The following NEXMIF variants were observed in gnomAD, a reference collection of about 807,000 sequenced individuals.
The protein encoded by NEXMIF is neurite extension and migration factor.
In NEXMIF, 8 loss-of-function variants were observed where a neutral mutation model predicts 62.1. The ratio of observed to expected loss-of-function variants is 0.13; its 90% CI spans 0.08 to 0.23. The LOEUF is 0.23. Among genes scored for constraint, NEXMIF ranks in the 10% least tolerant of loss-of-function variants. The pLI is 1.00. For synonymous variants in NEXMIF, 404 were observed against 416.6 expected (o/e 0.97, Z 0.37); for missense variants, 976 against 1,113.3 (o/e 0.88, Z 1.75).
At chrX:74,879,007 T>C (rs142272725) in intron 1 of NEXMIF, among the ~76,000 whole-genome samples, 337 of 112,247 alleles carry the variant, frequency 3.0e-3, no homozygotes, top group African/African-American at 9.9e-3. Context: ...CCATCTTGGC[T>C]CCTCCCTCGC....
At chrX:74,827,156 C>T (rs2080421133) in intron 1 of NEXMIF, among the ~76,000 whole-genome samples, 1 of 112,531 alleles carries the variant, frequency 8.9e-6, no homozygotes. Flanking sequence ...CTAAATGACC[C>T]CCAAGCCTGT....
chrX:74,824,804 A>G (rs1368333399), intron 1 of NEXMIF, among the ~76,000 whole-genome samples: 1 of 109,841 alleles, frequency 9.1e-6, no homozygotes, highest in Non-Finnish European at 1.9e-5. Context: ...ACCCGCCACC[A>G]CGCCCAGCTA....
intron 1 of NEXMIF, among the ~76,000 whole-genome samples, chrX:74,821,525 C>T (rs758762704): frequency 9.0e-6 from 1 of 111,472 alleles, no homozygotes; most frequent in South Asian, 3.8e-4. Flanking sequence ...TCCATTACTC[C>T]TATAGATGAA....
At chrX:74,878,731 G>A (rs1467407787) in intron 1 of NEXMIF, among the ~76,000 whole-genome samples, 5 of 112,456 alleles carry the variant, frequency 4.4e-5, no homozygotes, top group South Asian at 3.7e-4. Context: ...CGCAGTATTC[G>A]GGTGGGAGTG....
chrX:74,923,126 G>A (rs928522943), intron 1 of NEXMIF, among the ~76,000 whole-genome samples: 6 of 111,889 alleles, frequency 5.4e-5, no homozygotes, highest in African/African-American at 2.0e-4. Flanking sequence ...TTCCTCTATT[G>A]TAAATACGCT....
intron 1 of NEXMIF, among the ~76,000 whole-genome samples, chrX:74,758,094 C>T (rs1423764881): frequency 1.8e-5 from 2 of 111,741 alleles, no homozygotes; most frequent in African/African-American, 6.5e-5. Flanking sequence ...ACCTTTTAGG[C>T]ACTTCATATG....
At chrX:74,875,767 C>G (rs2080629027) in intron 1 of NEXMIF, among the ~76,000 whole-genome samples, 2 of 111,882 alleles carry the variant, frequency 1.8e-5, no homozygotes, top group East Asian at 5.6e-4. Context: ...TCTAGATTTT[C>G]TAGTTTATTT....
intron 1 of NEXMIF, among the ~76,000 whole-genome samples, chrX:74,888,836 T>C (rs1033245064): frequency 3.6e-5 from 4 of 112,134 alleles, no homozygotes; most frequent in African/African-American, 1.3e-4. Context: ...TCCCAAAATT[T>C]ATATACCAAA....
chrX:74,802,137 G>A (rs749466085), intron 1 of NEXMIF, among the ~76,000 whole-genome samples: 18 of 112,035 alleles, frequency 1.6e-4, no homozygotes, highest in African/African-American at 5.5e-4. Context: ...TGGGGAGCTC[G>A]CCACCCTGAA....
chrX:74,776,772 C>G (rs897848924), intron 1 of NEXMIF, among the ~76,000 whole-genome samples: 1 of 107,023 alleles, frequency 9.3e-6, no homozygotes, highest in African/African-American at 3.4e-5. Context: ...GTAGGATTAT[C>G]TTATATAACA....
At position 74,762,581 on chromosome X, in the gene NEXMIF, C is replaced by T. The variant is rs147975824; in HGVS notation, c.-47-16884G>A. ...TTGAACTAGTTTACAGTCCCACCAA[C>T]GGTGTAAAAGCATTCCTATTTCTCC... On this transcript the variant is annotated intron_variant, in intron 1 of 3. Transcript: ENST00000055682. Among the ~76,000 whole-genome samples the T allele has an allele frequency of 9.6e-3, 1,077 of 111,849 alleles. 16 individuals carry two copies. Among genetic ancestry groups the T allele is most frequent in the African/African-American group, 0.033 (1,007 of 30,731 alleles).
At chrX:74,783,203 C>A (rs1307269747) in intron 1 of NEXMIF, among the ~76,000 whole-genome samples, 1 of 110,986 alleles carries the variant, frequency 9.0e-6, no homozygotes, top group Non-Finnish European at 1.9e-5. Context: ...GGCCTCGGAG[C>A]ATGAATGAAA....
intron 1 of NEXMIF, among the ~76,000 whole-genome samples, chrX:74,909,127 C>A (rs182078183): frequency 1.8e-5 from 2 of 111,549 alleles, no homozygotes; most frequent in East Asian, 5.6e-4. Flanking sequence ...GAAAAGATAC[C>A]TGAAAATGTG....
At chrX:74,908,149 C>A (rs368469022) in intron 1 of NEXMIF, among the ~76,000 whole-genome samples, 5 of 111,735 alleles carry the variant, frequency 4.5e-5, no homozygotes, top group African/African-American at 1.6e-4. Flanking sequence ...GCTGAGGAAA[C>A]CCAAGAGGAC....
intron 1 of NEXMIF, among the ~76,000 whole-genome samples, chrX:74,768,646 C>A (rs1257599138): frequency 8.9e-6 from 1 of 111,859 alleles, no homozygotes; most frequent in Non-Finnish European, 1.9e-5. Flanking sequence ...AAACAGTGAG[C>A]TCCCCATCAA....
chrX:74,854,734 C>G (rs193161605), intron 1 of NEXMIF, among the ~76,000 whole-genome samples: 1 of 111,914 alleles, frequency 8.9e-6, no homozygotes, highest in Non-Finnish European at 1.9e-5. Flanking sequence ...TCAACACACA[C>G]AAATCAGTAG....
In NEXMIF at chrX:74,925,424, C is replaced by T; in HGVS notation, c.-589G>A. The stretch of plus-strand genomic sequence containing the variant: ...GCGGCGGTGGTGGCGGCGGCGGCTG[C>T]TGCTGCTGCTGCTGATGCTACTGGT... On this transcript the variant is annotated 5_prime_UTR_variant, in exon 1 of 4. Transcript: ENST00000055682. 5.3e-6 allele frequency: 1 copy of T among 190,353 alleles called. No homozygotes were observed. Among genetic ancestry groups the T allele is most frequent in the Non-Finnish European group, 1.0e-5 (1 of 97,541 alleles). The allele number at this position is 190,353 out of a possible 1,213,427, so 15.7% of individuals were successfully genotyped here. A position where few individuals can be genotyped will look rare whatever the true frequency, so the allele number is the denominator to read the frequency against.
At chrX:74,769,785 C>T (rs891344689) in intron 1 of NEXMIF, 1 of 536,006 alleles carries the variant, frequency 1.9e-6, no homozygotes. Flanking sequence ...AAAAGGACCT[C>T]CCTGACAACC....
At chrX:74,769,210 C>A (rs759274214) in intron 1 of NEXMIF, among the ~76,000 whole-genome samples, 49 of 110,849 alleles carry the variant, frequency 4.4e-4, no homozygotes, top group African/African-American at 1.5e-3. Flanking sequence ...CACCTCTTTC[C>A]CATCAAAACA....
Sources: allele counts gnomAD v4.1 joint callset (sites outside exome capture counted in the v4.1 genomes callset), GRCh38; gene constraint gnomAD v4.1.1; transcripts MANE v1.5; gene names NCBI Gene and HGNC (gene_info 2026-07-23, HGNC 2026-07-21).